The following APOBEC4 variants were observed in gnomAD, a reference collection of about 807,000 sequenced individuals.
APOBEC4 encodes apolipoprotein B mRNA editing enzyme catalytic polypeptide like 4.
For synonymous variants in APOBEC4, 141 were observed against 154.2 expected (o/e 0.91, Z 0.63); for missense variants, 375 against 441.2 (o/e 0.85, Z 1.34).
At chr1:183,650,772 G>A (rs186551189) in intron 1 of APOBEC4, among the ~76,000 whole-genome samples, 151 of 148,942 alleles carry the variant, frequency 1.0e-3, no homozygotes, top group African/African-American at 3.5e-3. Context: ...TTGTCAAATC[G>A]CTTCCTAGGA....
rs1558132501 is a variant in APOBEC4 at position 183,648,530 on chromosome 1, A to G, written c.252T>C (p.Ala84=). Residue 84 remains alanine (A), a synonymous_variant, in exon 2 of 2, where the codon GCT becomes GCC. Coordinates refer to ENST00000308641, the MANE Select transcript of APOBEC4 (RefSeq NM_203454.3). ...SSGSLVQKGH[A]SSCTGNYIHP... ...GGATATAATTCCCAGTGCAACTGCT[A>G]GCATGGCCCTTTTGCACCAGGCTAC... 6.2e-7 allele frequency: 1 copy of G among 1,614,216 alleles called. No individual in the cohort carries two copies. The highest frequency in any genetic ancestry group is 8.5e-7 in the Non-Finnish European group (1 of 1,180,036).
Position 183,648,212 on chromosome 1 carries a change from A to G in APOBEC4, c.570T>C (p.Ser190=). 6.2e-7 allele frequency: 1 copy of G among 1,614,160 alleles called. No homozygotes were observed. The highest frequency in any genetic ancestry group is 1.1e-5 in the South Asian group (1 of 91,086). The change falls in exon 2 of 2, where the codon AGT becomes AGC. Residue 190 remains serine, a synonymous_variant. Transcript: ENST00000308641. The stretch of plus-strand genomic sequence containing the variant: ...GGAGAACAGAATGCCAGATCCCACC[A>G]CTTATTGGACTCAAAACAACCCGCG... ...LWPRVVLSPI[S]GGIWHSVLHS...
rs1037109040 is a variant in APOBEC4 at position 183,646,338 on chromosome 1, T to C, written c.*1340A>G. On this transcript the variant is annotated 3_prime_UTR_variant, in exon 2 of 2. Coordinates refer to ENST00000308641, the MANE Select transcript of APOBEC4 (RefSeq NM_203454.3). Reference sequence around the variant, plus strand: ...AATACTAATTGCTATTCCTAAAATATGTTTTTCTTTCTCCTCCTCCCTTAT... The same window carrying C: ...AATACTAATTGCTATTCCTAAAATACGTTTTTCTTTCTCCTCCTCCCTTAT... 6.6e-5 allele frequency: 10 copies of C among 152,176 alleles called. No individual in the cohort carries two copies. The highest frequency in any genetic ancestry group is 1.5e-5 in the Non-Finnish European group (1 of 68,034). The allele number at this position is 152,176 out of a possible 1,614,324, so 9.4% of individuals were successfully genotyped here.
intron 1 of APOBEC4, among the ~76,000 whole-genome samples, chr1:183,650,292 C>CCA (rs1289238836): frequency 6.6e-6 from 1 of 152,016 alleles, no homozygotes; most frequent in African/African-American, 2.4e-5. Flanking sequence ...GCCTATAATC[C>CCA]CAGCACTTTG....
At chr1:183,651,094 T>C (rs1377801165) in intron 1 of APOBEC4, among the ~76,000 whole-genome samples, 1 of 152,228 alleles carries the variant, frequency 6.6e-6, no homozygotes. Flanking sequence ...CCAATGTTAT[T>C]TTAATTGCAC....
chr1:183,648,910 C>A, intron 1 of APOBEC4, 99 bp from the exon 2 acceptor site: 1 of 731,594 alleles, frequency 1.4e-6, no homozygotes. Context: ...GGAAGTAGCA[C>A]AATAAAGATA....
intron 1 of APOBEC4, among the ~76,000 whole-genome samples, chr1:183,650,276 G>A (rs1650627880): frequency 6.6e-6 from 1 of 151,966 alleles, no homozygotes; most frequent in African/African-American, 2.4e-5. Context: ...AGGCGTGGTG[G>A]CTCACGCCTA....
At position 183,647,673 on chromosome 1, in the gene APOBEC4, A is replaced by G. The variant is rs1650388567; in HGVS notation, c.*5T>C. The G allele has an allele frequency of 1.3e-6, 2 of 1,589,182 alleles. No homozygotes were observed. Among genetic ancestry groups the G allele is most frequent in the Non-Finnish European group, 1.7e-6 (2 of 1,165,348 alleles). On this transcript the variant is annotated 3_prime_UTR_variant, in exon 2 of 2. Coordinates refer to ENST00000308641, the MANE Select transcript of APOBEC4 (RefSeq NM_203454.3). ...AATTGGTTTCATGCTGTAGGAATGT[A>G]GATTTTATTTCTTCCCTTTCTTCTT...
chr1:183,647,575 T>A lies in APOBEC4; in HGVS notation c.*103A>T. ...AAGGTTTGCTTTTAGTGCATCAGTT[T>A]ATCTCCATCTTGGCTCAGCCCTGAG... is the stretch of plus-strand genomic sequence containing the variant. On this transcript the variant is annotated 3_prime_UTR_variant, in exon 2 of 2. Transcript: ENST00000308641. 1.4e-6 allele frequency: 2 copies of A among 1,474,204 alleles called. No homozygotes were observed. The highest frequency in any genetic ancestry group is 1.8e-6 in the Non-Finnish European group (2 of 1,116,090). 91.3% of individuals were successfully genotyped at this position (1,474,204 alleles called of 1,614,324 possible).
intron 1 of APOBEC4, 78 bp downstream of exon 1, chr1:183,652,994 T>G (rs1650876719): frequency 6.6e-6 from 1 of 152,236 alleles, no homozygotes; most frequent in Non-Finnish European, 1.5e-5. Context: ...CTGGAGTAAT[T>G]GGAGAATGGA....
In APOBEC4 at chr1:183,647,868, T is replaced by C; in HGVS notation, c.914A>G (p.His305Arg). The change falls in exon 2 of 2, where the codon CAT becomes CGT. Residue 305 changes from histidine to arginine, a missense_variant. Coordinates refer to ENST00000308641, the MANE Select transcript of APOBEC4 (RefSeq NM_203454.3). ...GGGTTTATTTGGGTTTTGGCCCATATGCATTGGTGGTAAGTCCCTGAGAGG... is the reference window on the plus strand; with the variant it reads ...GGGTTTATTTGGGTTTTGGCCCATACGCATTGGTGGTAAGTCCCTGAGAGG... ...LVPLRDLPPM[H>R]MGQNPNKPRN... 1 of 1,614,176 alleles carries C rather than the reference T, an allele frequency of 6.2e-7. No homozygotes were observed. Among genetic ancestry groups the C allele is most frequent in the South Asian group, 1.1e-5 (1 of 91,084 alleles).
rs776471890 is a variant in APOBEC4 at position 183,648,106 on chromosome 1, C to T, written c.676G>A (p.Ala226Thr). 2.1e-5 allele frequency: 34 copies of T among 1,614,092 alleles called. 1 individual carries two copies. The highest frequency in any genetic ancestry group is 1.6e-4 in the South Asian group (15 of 91,088). ...TGRALADRHN[A>T]YEINAITGVK... is the part of the protein sequence containing the mutation. ...CCTGTTATGGCATTGATTTCATATG[C>T]GTTGTGCCTGTCAGCCAGTGCTCTC... The change falls in exon 2 of 2, where the codon GCA becomes ACA. Residue 226 changes from alanine (A) to threonine (T), a missense_variant. Coordinates refer to ENST00000308641, the MANE Select transcript of APOBEC4 (RefSeq NM_203454.3).
chr1:183,647,374 G>T lies in APOBEC4; in HGVS notation c.*304C>A, dbSNP rs939465411. On this transcript the variant is annotated 3_prime_UTR_variant, in exon 2 of 2. Transcript: ENST00000308641. ...CTTTTGTAGTGGAAAGATGATGTGA[G>T]TAAAATAGAATAATGAGATTCCTTT... 10 of 211,404 alleles carry T rather than the reference G, an allele frequency of 4.7e-5. No homozygotes were observed. Among genetic ancestry groups the T allele is most frequent in the Non-Finnish European group, 8.4e-5 (9 of 106,924 alleles). 13.1% of individuals were successfully genotyped at this position (211,404 alleles called of 1,614,324 possible). A position where few individuals can be genotyped will look rare whatever the true frequency, so the allele number is the denominator to read the frequency against.
intron 1 of APOBEC4, among the ~76,000 whole-genome samples, chr1:183,652,303 CAT>C (rs1650818155): frequency 6.6e-6 from 1 of 152,210 alleles, no homozygotes; most frequent in African/African-American, 2.4e-5. Flanking sequence ...AATGATACAT[CAT>C]TACTGTCTTT....
intron 1 of APOBEC4, among the ~76,000 whole-genome samples, chr1:183,651,669 C>G (rs1040172396): frequency 2.0e-5 from 3 of 152,236 alleles, no homozygotes; most frequent in Admixed American, 1.3e-4. Flanking sequence ...GCTGTGTCAT[C>G]TTAATCCATA....
chr1:183,648,539 C>T lies in APOBEC4; in HGVS notation c.243G>A (p.Lys81=). 1 of 1,614,152 alleles carries T rather than the reference C, an allele frequency of 6.2e-7. No individual in the cohort carries two copies. Residue 81 remains lysine (K), a synonymous_variant, in exon 2 of 2, where the codon AAG becomes AAA. Coordinates refer to ENST00000308641, the MANE Select transcript of APOBEC4 (RefSeq NM_203454.3). ...TCCCAGTGCAACTGCTAGCATGGCC[C>T]TTTTGCACCAGGCTACCAGAAGAAG... ...LKTSSGSLVQ[K]GHASSCTGNY...
chr1:183,647,883 T>A lies in APOBEC4; in HGVS notation c.899A>T (p.Asp300Val). 1.2e-6 allele frequency: 2 copies of A among 1,614,144 alleles called. No individual in the cohort carries two copies. Among genetic ancestry groups the A allele is most frequent in the East Asian group, 4.5e-5 (2 of 44,890 alleles). ...TTGGCCCATATGCATTGGTGGTAAG[T>A]CCCTGAGAGGCACTAGCACAAAAAC... ...PVVFVLVPLR[D>V]LPPMHMGQNP... Residue 300 changes from aspartate (D) to valine (V), a missense_variant, in exon 2 of 2, where the codon GAC (aspartate) becomes GTC (valine). Transcript: ENST00000308641.
intron 1 of APOBEC4, among the ~76,000 whole-genome samples, chr1:183,651,438 A>G (rs956509406): frequency 4.6e-5 from 7 of 152,208 alleles, no homozygotes; most frequent in Admixed American, 2.6e-4. Context: ...CTCAGCCCAC[A>G]TCAGCTCATT....
rs1314273788 is a variant in APOBEC4, at chr1:183,646,340, T to C, written c.*1338A>G. The C allele has an allele frequency of 6.6e-6, 1 of 152,164 alleles. No homozygotes were observed. The highest frequency in any genetic ancestry group is 1.5e-5 in the Non-Finnish European group (1 of 68,026). 9.4% of individuals were successfully genotyped at this position (152,164 alleles called of 1,614,324 possible). A position where few individuals can be genotyped will look rare whatever the true frequency, so the allele number is the denominator to read the frequency against. ...TACTAATTGCTATTCCTAAAATATG[T>C]TTTTCTTTCTCCTCCTCCCTTATGG... On this transcript the variant is annotated 3_prime_UTR_variant, in exon 2 of 2. Coordinates refer to ENST00000308641, the MANE Select transcript of APOBEC4 (RefSeq NM_203454.3).
Sources: allele counts gnomAD v4.1 joint callset (sites outside exome capture counted in the v4.1 genomes callset), GRCh38; gene constraint gnomAD v4.1.1; transcripts MANE v1.5; gene names NCBI Gene and HGNC (gene_info 2026-07-23, HGNC 2026-07-21).